SYNPR: variants seen among roughly 807,000 people sequenced by gnomAD.
The protein encoded by SYNPR is synaptoporin.
A neutral mutation model predicts 32.9 loss-of-function variants in SYNPR; 23 were observed. The ratio of observed to expected loss-of-function variants is 0.70; its 90% confidence interval spans 0.50 to 0.99. SYNPR has a LOEUF of 0.99. Ranked by LOEUF, SYNPR falls within the 50% of genes least tolerant of loss-of-function variation. The probability of loss-of-function intolerance (pLI) is 0.00; values close to 1 mark genes in which losing one functional copy is unlikely to be tolerated. For synonymous variants in SYNPR, 146 were observed against 135.9 expected (o/e 1.07, Z -0.52); for missense variants, 318 against 349.3 (o/e 0.91, Z 0.71).
intron 3 of SYNPR, among the ~76,000 whole-genome samples, chr3:63,554,378 AT>A (rs974771274): frequency 3.3e-5 from 5 of 152,106 alleles, no homozygotes; most frequent in African/African-American, 1.2e-4. Context: ...TCTTGAGTTA[AT>A]TTTTTTATAT....
chr3:63,337,604 G>A (rs1011234072), intron 2 of SYNPR, among the ~76,000 whole-genome samples: 41 of 152,198 alleles, frequency 2.7e-4, no homozygotes, highest in African/African-American at 8.9e-4. Context: ...CAAACCGGAA[G>A]CAACCAAGAT....
At chr3:63,517,383 C>T (rs567812712) in intron 3 of SYNPR, among the ~76,000 whole-genome samples, 25 of 152,070 alleles carry the variant, frequency 1.6e-4, no homozygotes, top group Middle Eastern at 6.8e-3. Flanking sequence ...AGTGGATGAT[C>T]ATGGAGGAAA....
chr3:63,317,452 T>C (rs1038058513), intron 2 of SYNPR, among the ~76,000 whole-genome samples: 9 of 152,048 alleles, frequency 5.9e-5, no homozygotes, highest in Admixed American at 4.6e-4. Flanking sequence ...TTGTGATATT[T>C]TCCTGTTGCA....
At chr3:63,540,346 A>T (rs1316073381) in intron 3 of SYNPR, among the ~76,000 whole-genome samples, 3 of 152,104 alleles carry the variant, frequency 2.0e-5, no homozygotes, top group Non-Finnish European at 2.9e-5. Flanking sequence ...AGTGGTGGAG[A>T]TTTTAACGTG....
chr3:63,218,140 C>T, the SYNPR span, among the ~76,000 whole-genome samples: 1 of 151,986 alleles, frequency 6.6e-6, no homozygotes, highest in Admixed American at 6.6e-5. Flanking sequence ...CCCAAAAATA[C>T]ATTAATAAAT....
chr3:63,508,527 C>A (rs1042043535), intron 3 of SYNPR, among the ~76,000 whole-genome samples: 10 of 152,084 alleles, frequency 6.6e-5, no homozygotes, highest in Admixed American at 2.0e-4. Context: ...AATGTGATGT[C>A]ATTGAGAAGC....
intron 2 of SYNPR, among the ~76,000 whole-genome samples, chr3:63,462,147 A>T (rs960981758): frequency 4.6e-5 from 7 of 151,752 alleles, no homozygotes; most frequent in African/African-American, 1.7e-4. Context: ...GTCTGCATTC[A>T]TCTATGTCTA....
At chr3:63,545,219 T>C (rs1170591801) in intron 3 of SYNPR, among the ~76,000 whole-genome samples, 2 of 152,072 alleles carry the variant, frequency 1.3e-5, no homozygotes, top group East Asian at 1.9e-4. Context: ...ACTGGTTTTA[T>C]CATGTTGGAC....
intron 2 of SYNPR, among the ~76,000 whole-genome samples, chr3:63,263,463 A>G (rs2086455975): frequency 2.0e-5 from 3 of 152,258 alleles, no homozygotes; most frequent in Admixed American, 6.5e-5. Context: ...AAATTGCTGC[A>G]TAATGAACCG....
intron 4 of SYNPR, among the ~76,000 whole-genome samples, chr3:63,585,773 C>A (rs533025704): frequency 6.6e-6 from 1 of 152,182 alleles, no homozygotes; most frequent in African/African-American, 2.4e-5. Context: ...CTTTTTAATT[C>A]TTGCAATAAC....
At chr3:63,250,884 A>T (rs1375910325) in intron 1 of SYNPR, among the ~76,000 whole-genome samples, 1 of 152,050 alleles carries the variant, frequency 6.6e-6, no homozygotes, top group Non-Finnish European at 1.5e-5. Flanking sequence ...AATTAATGTT[A>T]CTCATTATAA....
intron 3 of SYNPR, among the ~76,000 whole-genome samples, chr3:63,519,265 C>G (rs1253533796): frequency 6.6e-6 from 1 of 152,108 alleles, no homozygotes; most frequent in African/African-American, 2.4e-5. Flanking sequence ...AAATCAGATC[C>G]TCACTTTAAT....
intron 3 of SYNPR, among the ~76,000 whole-genome samples, chr3:63,541,902 T>C (rs1702310714): frequency 6.6e-6 from 1 of 152,076 alleles, no homozygotes; most frequent in East Asian, 1.9e-4. Flanking sequence ...AAGCTAAAAA[T>C]AGAGGCACGA....
chr3:63,507,238 G>T, intron 3 of SYNPR, among the ~76,000 whole-genome samples: 1 of 114,284 alleles, frequency 8.8e-6, no homozygotes, highest in African/African-American at 3.0e-5. Flanking sequence ...AGGAGAAACT[G>T]GATATTTTAA....
chr3:63,397,981 A>C (rs2088239301), intron 2 of SYNPR, among the ~76,000 whole-genome samples: 1 of 152,248 alleles, frequency 6.6e-6, no homozygotes, highest in African/African-American at 2.4e-5. Flanking sequence ...GGGAAATGGA[A>C]TCTCCTGTTA....
intron 2 of SYNPR, among the ~76,000 whole-genome samples, chr3:63,355,265 T>G: frequency 2.8e-5 from 4 of 142,426 alleles, no homozygotes; most frequent in African/African-American, 5.5e-5. Flanking sequence ...GGTGACAGAG[T>G]GAGACCCTGT....
chr3:63,565,021 TC>T (rs1365256382), intron 4 of SYNPR, among the ~76,000 whole-genome samples: 1 of 152,228 alleles, frequency 6.6e-6, no homozygotes, highest in Non-Finnish European at 1.5e-5. Context: ...AGGGAATTCC[TC>T]ATTCAGTTAG....
In SYNPR at chr3:63,261,230, G is replaced by A. The variant is rs544003970; in HGVS notation, n.155-6087G>A. Among the ~76,000 whole-genome samples, 11 of 152,170 alleles carry A rather than the reference G, an allele frequency of 7.2e-5. No homozygotes were observed. The South Asian group carries it at 2.3e-3, about 32-fold the overall frequency. ...CCCATTACTGGGTATATACCCAAAG[G>A]ACTATAAACCATGCTGCTGTAAAGA... On this transcript the variant is annotated intron_variant and non_coding_transcript_variant, in intron 2 of 4. Transcript: ENST00000478456.
At chr3:63,576,382 C>A (rs1193504957) in intron 4 of SYNPR, among the ~76,000 whole-genome samples, 2 of 152,112 alleles carry the variant, frequency 1.3e-5, no homozygotes, top group East Asian at 3.9e-4. Flanking sequence ...TTCCCTCACC[C>A]AAAGTTAGCA....
Sources: allele counts gnomAD v4.1 joint callset (sites outside exome capture counted in the v4.1 genomes callset), GRCh38; gene constraint gnomAD v4.1.1; transcripts MANE v1.5; gene names NCBI Gene and HGNC (gene_info 2026-07-23, HGNC 2026-07-21).